Variants in PRKG1 observed in about 807,000 individuals in gnomAD.
The protein encoded by PRKG1 is protein kinase cGMP-dependent 1.
Under a neutral mutation model 88.1 loss-of-function variants are expected in PRKG1, and 35 were observed. That is an observed-to-expected ratio of 0.40 (90% CI 0.30 to 0.53). PRKG1 has a LOEUF of 0.53. Among genes scored for constraint, PRKG1 ranks in the 20% least tolerant of loss-of-function variants. The pLI, the probability that PRKG1 is intolerant of heterozygous loss-of-function variation, is 0.59. For missense variants in PRKG1, 540 were observed against 839.8 expected (o/e 0.64, Z 4.41); for synonymous variants, 303 against 292.5 (o/e 1.04, Z -0.37).
At chr10:52,060,562 T>C (rs1234535002) in intron 6 of PRKG1, among the ~76,000 whole-genome samples, 1 of 151,372 alleles carries the variant, frequency 6.6e-6, no homozygotes, top group East Asian at 1.9e-4. Flanking sequence ...GCTCAGAAAA[T>C]AAGATGATAA....
At chr10:51,918,761 C>T (rs563801131) in intron 5 of PRKG1, among the ~76,000 whole-genome samples, 3 of 152,250 alleles carry the variant, frequency 2.0e-5, no homozygotes, top group South Asian at 2.1e-4. Context: ...GAGCAGATCA[C>T]GATGAGCTCC....
chr10:51,859,859 A>G (rs1840825031), intron 4 of PRKG1, among the ~76,000 whole-genome samples: 2 of 152,170 alleles, frequency 1.3e-5, no homozygotes, highest in Non-Finnish European at 2.9e-5. Context: ...GGTAATTTTC[A>G]TATATGCTTT....
intron 1 of PRKG1, among the ~76,000 whole-genome samples, chr10:51,004,032 A>G (rs752220064): frequency 6.6e-6 from 1 of 152,150 alleles, no homozygotes; most frequent in Non-Finnish European, 1.5e-5. Context: ...TATGTTATTT[A>G]TGTATTTATT....
At chr10:51,161,795 C>T (rs750501720) in intron 2 of PRKG1, among the ~76,000 whole-genome samples, 1 of 151,956 alleles carries the variant, frequency 6.6e-6, no homozygotes, top group Admixed American at 6.5e-5. Context: ...AGATTGGAAA[C>T]TTTAAAAGTG....
At chr10:51,906,388 G>A (rs566927686) in intron 4 of PRKG1, among the ~76,000 whole-genome samples, 5 of 152,244 alleles carry the variant, frequency 3.3e-5, no homozygotes, top group African/African-American at 1.2e-4. Context: ...ATATGCCCAG[G>A]GTGGTTGGTT....
At position 51,698,085 on chromosome 10, in the gene PRKG1, G is replaced by A. The variant is rs780244509; in HGVS notation, c.593-106500G>A. On this transcript the variant is annotated intron_variant, in intron 3 of 17. Coordinates refer to ENST00000373980, the MANE Select transcript of PRKG1 (RefSeq NM_006258.4). Reference sequence around the variant, plus strand: ...CCTGGGACCTGTCTGGGTCCCTGAGGAGGGCCACCTGCCCCTATATTAATG... The same window carrying A: ...CCTGGGACCTGTCTGGGTCCCTGAGAAGGGCCACCTGCCCCTATATTAATG... 8.7e-5 allele frequency: 141 copies of A among 1,613,980 alleles called. 1 individual carries two copies. The highest frequency in any genetic ancestry group is 3.3e-5 in the Admixed American group (2 of 59,992).
At position 51,201,225 on chromosome 10, in the gene PRKG1, C is replaced by G. The variant is rs1199935843; in HGVS notation, c.478+47895C>G. ...CCTGTAATCCCAGCACTTTGGGAGG[C>G]CGAGGTGGGTGGATCACCTGAGATC... On this transcript the variant is annotated intron_variant, in intron 2 of 17. Coordinates refer to ENST00000373980, the MANE Select transcript of PRKG1 (RefSeq NM_006258.4). Among the ~76,000 whole-genome samples the G allele has an allele frequency of 3.3e-5, 5 of 152,150 alleles. No homozygotes were observed. In the East Asian group the frequency reaches 9.7e-4, roughly 29 times the overall value.
rs181044454 is a variant in PRKG1 at position 52,197,190 on chromosome 10, C to T, written c.1076+35227C>T. Among the ~76,000 whole-genome samples the T allele has an allele frequency of 4.2e-3, 633 of 151,634 alleles. 2 individuals are homozygous for T. Among genetic ancestry groups the T allele is most frequent in the Non-Finnish European group, 7.0e-3 (475 of 67,846 alleles). On this transcript the variant is annotated intron_variant, in intron 9 of 17. Coordinates refer to ENST00000373980, the MANE Select transcript of PRKG1 (RefSeq NM_006258.4). ...TAAAGTTAAGTAATCAGTGTTAGAT[C>T]TCAGAGTTCTAAATTGAACCTTGCT...
chr10:51,819,249 C>CT (rs914727644), intron 4 of PRKG1, among the ~76,000 whole-genome samples: 8 of 150,370 alleles, frequency 5.3e-5, no homozygotes, highest in African/African-American at 1.2e-4. Flanking sequence ...AGGTGTCAGG[C>CT]TTTTTTTTTC....
intron 3 of PRKG1, among the ~76,000 whole-genome samples, chr10:51,666,394 G>C (rs1344076944): frequency 6.6e-6 from 1 of 152,174 alleles, no homozygotes; most frequent in Non-Finnish European, 1.5e-5. Flanking sequence ...AATTAAATTG[G>C]AATGATTCCT....
intron 2 of PRKG1, among the ~76,000 whole-genome samples, chr10:51,352,259 A>AT (rs35387341): frequency 5.9e-4 from 89 of 149,944 alleles, no homozygotes; most frequent in Non-Finnish European, 9.3e-4. Context: ...AATTTAAAGA[A>AT]TTTTTTTTTT....
intron 3 of PRKG1, among the ~76,000 whole-genome samples, chr10:51,512,601 A>T (rs1841451399): frequency 1.2e-5 from 1 of 80,230 alleles, no homozygotes; most frequent in Admixed American, 1.5e-4. Context: ...TCATTGTTGG[A>T]CATTTGGGTT....
intron 7 of PRKG1, among the ~76,000 whole-genome samples, chr10:52,107,619 CT>C (rs1288565793): frequency 1.3e-5 from 2 of 152,090 alleles, no homozygotes; most frequent in Admixed American, 6.5e-5. Flanking sequence ...ACTTTGTCTC[CT>C]GTCTCAATGC....
intron 10 of PRKG1, among the ~76,000 whole-genome samples, chr10:52,262,267 T>G (rs555165899): frequency 3.4e-4 from 51 of 152,128 alleles, no homozygotes; most frequent in Non-Finnish European, 5.4e-4. Flanking sequence ...CTGGTTTTTT[T>G]TGTTTGTTTG....
intron 1 of PRKG1, among the ~76,000 whole-genome samples, chr10:51,140,179 A>G (rs1180654592): frequency 6.6e-6 from 1 of 152,156 alleles, no homozygotes; most frequent in East Asian, 1.9e-4. Flanking sequence ...TTTACATGCT[A>G]AGTAGATCTT....
chr10:51,072,003 C>T (rs981594805), upstream of PRKG1, among the ~76,000 whole-genome samples: 3 of 152,154 alleles, frequency 2.0e-5, no homozygotes, highest in Admixed American at 6.5e-5. Context: ...TCGAGAACAT[C>T]CTGGCCAACA....
intron 3 of PRKG1, among the ~76,000 whole-genome samples, chr10:51,668,184 A>C (rs1840469316): frequency 6.6e-6 from 1 of 152,202 alleles, no homozygotes; most frequent in African/African-American, 2.4e-5. Context: ...ATTTATGCTC[A>C]GCTGCAGGAA....
At chr10:52,222,016 G>T (rs1840256715) in intron 9 of PRKG1, among the ~76,000 whole-genome samples, 1 of 152,182 alleles carries the variant, frequency 6.6e-6, no homozygotes, top group Admixed American at 6.5e-5. Context: ...TTTGGAGTCG[G>T]TAAGGGTGGA....
At chr10:52,060,645 C>T (rs568794340) in intron 6 of PRKG1, among the ~76,000 whole-genome samples, 1 of 151,842 alleles carries the variant, frequency 6.6e-6, no homozygotes, top group African/African-American at 2.4e-5. Flanking sequence ...ATCAGTCTGA[C>T]AATATTAAGT....
Sources: allele counts gnomAD v4.1 joint callset (sites outside exome capture counted in the v4.1 genomes callset), GRCh38; gene constraint gnomAD v4.1.1; transcripts MANE v1.5; gene names NCBI Gene and HGNC (gene_info 2026-07-23, HGNC 2026-07-21).